RNF128: variants seen among roughly 807,000 people sequenced by gnomAD.
The protein encoded by RNF128 is ring finger protein 128.
Under a neutral mutation model 26.2 loss-of-function variants are expected in RNF128, and 13 were observed. The ratio of observed to expected loss-of-function variants is 0.50; its 90% confidence interval spans 0.32 to 0.79. The LOEUF (loss-of-function observed/expected upper bound fraction) is 0.79. RNF128 is among the 30% of genes least tolerant of loss of function. The pLI, the probability that RNF128 is intolerant of heterozygous loss-of-function variation, is 0.03. For synonymous variants in RNF128, 149 were observed against 142.5 expected (o/e 1.05, Z -0.32); for missense variants, 315 against 349.7 (o/e 0.90, Z 0.79).
chrX:106,787,990 T>C lies in RNF128; in HGVS notation c.877T>C (p.Leu293=). The C allele has an allele frequency of 1.7e-6, 2 of 1,147,558 alleles. No homozygotes were observed. Among genetic ancestry groups the C allele is most frequent in the East Asian group, 3.3e-5 (1 of 30,660 alleles). The allele number at this position is 1,147,558 out of a possible 1,213,427, so 94.6% of individuals were successfully genotyped here. The change falls in exon 4 of 7, where the codon TTA becomes CTA. Residue 293 remains leucine, a synonymous_variant. Transcript: ENST00000255499. ...LYKPNDLVRI[L]TCNHIFHKTC... is the part of the protein sequence containing the mutation. ...TAAACCAAATGATTTGGTACGCATC[T>C]TAACGTGCAAGTAAGTTTGATTTTC...
At chrX:106,717,772 T>A (rs771580448) in intron 1 of RNF128, among the ~76,000 whole-genome samples, 2 of 112,516 alleles carry the variant, frequency 1.8e-5, no homozygotes, top group Admixed American at 1.9e-4. Context: ...TTAATTTGTA[T>A]ACTTAATGTA....
At position 106,773,171 on chromosome X, in the gene RNF128, G is replaced by C. The variant is rs193170952; in HGVS notation, c.732+11G>C. 591 of 1,192,683 alleles carry C rather than the reference G, an allele frequency of 5.0e-4. 3 individuals carry two copies. The African/African-American group carries it at 1.0e-2, about 20-fold the overall frequency. ...CAAAGCAGGAAGCAGGTTTGTAATG[G>C]TCCTTTCTTCCACTATTAAAAAAAA... On this transcript the variant is annotated intron_variant, in intron 2 of 6. Coordinates refer to ENST00000255499, the MANE Select transcript of RNF128 (RefSeq NM_194463.2).
chrX:106,763,943 T>TTTGGA (rs1569442285), intron 1 of RNF128, among the ~76,000 whole-genome samples: 3 of 109,024 alleles, frequency 2.8e-5, no homozygotes, highest in Non-Finnish European at 5.7e-5. Flanking sequence ...TTTGGTTTGG[T>TTTGGA]TTGGTTTGGT....
intron 1 of RNF128, 30 bp from the exon 2 acceptor site, chrX:106,772,881 CAA>C (rs1168943205): frequency 8.5e-7 from 1 of 1,179,361 alleles, no homozygotes; most frequent in Non-Finnish European, 1.1e-6. Flanking sequence ...AATGTTTCAC[CAA>C]ACTAAAACTG....
intron 1 of RNF128, 91 bp from the exon 2 acceptor site, chrX:106,772,822 C>A: frequency 1.1e-6 from 1 of 924,169 alleles, no homozygotes. Context: ...TCCTTTGTCT[C>A]ATTGAGACCC....
chrX:106,774,083 C>T (rs1010764717), intron 2 of RNF128, among the ~76,000 whole-genome samples: 4 of 111,224 alleles, frequency 3.6e-5, no homozygotes, highest in African/African-American at 6.5e-5. Context: ...AATTTGTGAC[C>T]GTAAAATCAG....
At position 106,699,581 on chromosome X, in the gene RNF128, A is replaced by C. The variant is rs996447539; in HGVS notation, c.406+5173A>C. ...CCTACCCCATATATTCTCTACACAGAAGCCAGAGTGATCAAAACATATAGG... is the reference window on the plus strand; with the variant it reads ...CCTACCCCATATATTCTCTACACAGCAGCCAGAGTGATCAAAACATATAGG... On this transcript the variant is annotated intron_variant, in intron 1 of 6. Transcript: ENST00000324342. Among the ~76,000 whole-genome samples the C allele has an allele frequency of 5.4e-5, 6 of 111,954 alleles. No individual in the cohort carries two copies. In the East Asian group the frequency reaches 1.7e-3, roughly 32 times the overall value.
intron 1 of RNF128, among the ~76,000 whole-genome samples, chrX:106,747,182 T>C (rs931647409): frequency 2.7e-5 from 3 of 111,553 alleles, no homozygotes; most frequent in Non-Finnish European, 5.7e-5. Context: ...ACAAATAAAT[T>C]TTATAGTTTG....
At chrX:106,767,841 G>A (rs889382332) in intron 1 of RNF128, among the ~76,000 whole-genome samples, 3 of 111,639 alleles carry the variant, frequency 2.7e-5, no homozygotes, top group African/African-American at 9.8e-5. Context: ...GTATAATATT[G>A]GCTGTGGGTT....
intron 1 of RNF128, among the ~76,000 whole-genome samples, chrX:106,763,927 T>TTTTGG (rs749984429): frequency 0.19 from 19,716 of 105,588 alleles, 1,916 homozygotes; most frequent in East Asian, 0.34. Context: ...TATCCTTGTT[T>TTTTGG]TTTGGTTTGG....
rs531948698 is a variant in RNF128, at chrX:106,739,055, G to A, written c.484+11658G>A. 1.8e-4 allele frequency among the ~76,000 whole-genome samples: 20 copies of A among 111,518 alleles called. No homozygotes were observed. In the South Asian group the frequency reaches 7.2e-3, roughly 40 times the overall value. Reference sequence around the variant, plus strand: ...TCCAAATACTTAACATCCGAAATACGATTTGGGTAGCACTGATTATCAGAC... The same window carrying A: ...TCCAAATACTTAACATCCGAAATACAATTTGGGTAGCACTGATTATCAGAC... On this transcript the variant is annotated intron_variant, in intron 1 of 6. Coordinates refer to ENST00000255499, the MANE Select transcript of RNF128 (RefSeq NM_194463.2).
Position 106,727,141 on chromosome X carries a change from G to T in RNF128, c.228G>T (p.Pro76=), listed in dbSNP as rs747534982. The T allele has an allele frequency of 8.3e-7, 1 of 1,207,374 alleles. No homozygotes were observed. Among genetic ancestry groups the T allele is most frequent in the African/African-American group, 1.7e-5 (1 of 57,482 alleles). Reference sequence around the variant, plus strand: ...AGGGCGTGTACGGCCAGGACTCGCCGCTGGAGCCTGTGGCTGGGGTCCTGG... The same window carrying T: ...AGGGCGTGTACGGCCAGGACTCGCCTCTGGAGCCTGTGGCTGGGGTCCTGG... ...SEEGVYGQDS[P]LEPVAGVLVP... The change falls in exon 1 of 7, where the codon CCG becomes CCT. Residue 76 remains proline (P), a synonymous_variant. Transcript: ENST00000255499.
At chrX:106,700,068 C>T (rs1043054025) in intron 1 of RNF128, among the ~76,000 whole-genome samples, 3 of 106,467 alleles carry the variant, frequency 2.8e-5, no homozygotes, top group Non-Finnish European at 5.8e-5. Flanking sequence ...GTCACCCAGG[C>T]TGGAGTGCAG....
At chrX:106,699,850 A>G (rs1928928580) in intron 1 of RNF128, among the ~76,000 whole-genome samples, 1 of 110,530 alleles carries the variant, frequency 9.0e-6, no homozygotes, top group Admixed American at 9.6e-5. Context: ...GCTCTCTCTC[A>G]CCACCATCGT....
intron 6 of RNF128, among the ~76,000 whole-genome samples, chrX:106,791,986 AT>A (rs1379303183): frequency 9.0e-6 from 1 of 111,252 alleles, no homozygotes; most frequent in East Asian, 2.8e-4. Flanking sequence ...ACAAAAACTG[AT>A]TGTCAAGATG....
Position 106,704,293 on chromosome X carries a change from C to A in RNF128, c.406+9885C>A, listed in dbSNP as rs772946520. On this transcript the variant is annotated intron_variant, in intron 1 of 6. Coordinates refer to the RNF128 transcript ENST00000324342. ...TACTAAAAAATACAAAAAAGCCAGG[C>A]GTGGTGGCTGGCGCCTGTAGTCCCA... 3.2e-3 allele frequency among the ~76,000 whole-genome samples: 356 copies of A among 109,866 alleles called. 1 individual carries two copies. Among genetic ancestry groups the A allele is most frequent in the African/African-American group, 0.011 (334 of 30,193 alleles).
rs1343928148 is a variant in RNF128, at chrX:106,732,072, C to T, written c.484+4675C>T. ...TATATGTCTCTTCTTTCATGTTGGT[C>T]CCTAAACATTCTCTATTCTTTTCCA... is the stretch of plus-strand genomic sequence containing the variant. On this transcript the variant is annotated intron_variant, in intron 1 of 6. Transcript: ENST00000255499. Among the ~76,000 whole-genome samples the T allele has an allele frequency of 4.5e-5, 5 of 111,769 alleles. No individual in the cohort carries two copies. The South Asian group carries it at 1.1e-3, about 26-fold the overall frequency.
chrX:106,755,734 G>T (rs1427985926), intron 1 of RNF128, among the ~76,000 whole-genome samples: 1 of 111,278 alleles, frequency 9.0e-6, no homozygotes, highest in Non-Finnish European at 1.9e-5. Flanking sequence ...CCCTAAAAAA[G>T]GGCAATTAGG....
chrX:106,697,586 C>T (rs1245815680), intron 1 of RNF128, among the ~76,000 whole-genome samples: 2 of 111,644 alleles, frequency 1.8e-5, no homozygotes, highest in Non-Finnish European at 3.8e-5. Context: ...CCTCCGCATC[C>T]CTTATAGGTT....
Sources: gnomAD v4.1 joint callset for allele counts (sites outside exome capture counted in the v4.1 genomes callset) on GRCh38, gnomAD v4.1.1 for gene constraint, MANE v1.5 for transcripts, NCBI Gene and HGNC (gene_info 2026-07-23, HGNC 2026-07-21) for gene names.